Variants in DNAI3 observed in about 807,000 individuals in gnomAD.
DNAI3 encodes WD repeat domain 63.
DNAI3 carries 83 observed loss-of-function variants against 115.5 expected under a neutral mutation model. That is an observed-to-expected ratio of 0.72 (90% confidence interval 0.60 to 0.86). The LOEUF (loss-of-function observed/expected upper bound fraction) is 0.86, where lower values mean the gene tolerates loss of function less well. DNAI3 is among the 40% of genes least tolerant of loss of function. DNAI3 has a pLI of 0.00. For synonymous variants in DNAI3, 320 were observed against 347.0 expected, an observed-to-expected ratio of 0.92 and a Z score of 0.86; for missense variants, 1,004 against 1,075.8, an observed-to-expected ratio of 0.93 and a Z score of 0.93.
chr1:85,072,677 C>T lies in DNAI3; in HGVS notation c.65-377C>T, dbSNP rs529778093. ...AAAGAAAAATAAAAAAAAGATTGGC[C>T]GGGCACAGTGGCTCACGCCTGTAAT... is the stretch of plus-strand genomic sequence containing the variant. On this transcript the variant is annotated intron_variant, in intron 2 of 22. Coordinates refer to ENST00000294664, the MANE Select transcript of DNAI3 (RefSeq NM_145172.5). Among the ~76,000 whole-genome samples, 7 of 137,694 alleles carry T rather than the reference C, an allele frequency of 5.1e-5. No individual in the cohort carries two copies. The South Asian group carries it at 7.1e-4, about 14-fold the overall frequency. The allele number at this position is 137,694 out of a possible 152,430, so 90.3% of individuals were successfully genotyped here.
At chr1:85,125,534 GA>G (rs1322596395) in intron 19 of DNAI3, among the ~76,000 whole-genome samples, 1 of 75,694 alleles carries the variant, frequency 1.3e-5, no homozygotes, top group Admixed American at 1.8e-4. Flanking sequence ...CTGTATGTTT[GA>G]TTTTTTTTTT....
In DNAI3 at chr1:85,133,114, C is replaced by G; in HGVS notation, c.*116C>G. Reference sequence around the variant, plus strand: ...GGCTCATTTATAGACTTTTATTTCCCTGCTATTAAAACTTTTGAATTTTAG... The same window carrying G: ...GGCTCATTTATAGACTTTTATTTCCGTGCTATTAAAACTTTTGAATTTTAG... On this transcript the variant is annotated 3_prime_UTR_variant, in exon 23 of 23. Transcript: ENST00000294664. 1.6e-6 allele frequency: 2 copies of G among 1,215,578 alleles called. No individual in the cohort carries two copies. Among genetic ancestry groups the G allele is most frequent in the Non-Finnish European group, 2.2e-6 (2 of 922,628 alleles). The allele number at this position is 1,215,578 out of a possible 1,614,324, so 75.3% of individuals were successfully genotyped here.
At chr1:85,098,131 G>A (rs1465981682) in intron 12 of DNAI3, among the ~76,000 whole-genome samples, 2 of 152,120 alleles carry the variant, frequency 1.3e-5, no homozygotes, top group Non-Finnish European at 2.9e-5. Context: ...TGTTAAGAGG[G>A]TTGAGAAGAT....
At position 85,117,717 on chromosome 1, in the gene DNAI3, C is replaced by G; in HGVS notation, c.1787-12C>G. ...TAAATATGTACTTCTTCTACCCACA[C>G]TCCTCTGAAAGACAAAATGTTAGCA... On this transcript the variant is annotated splice_polypyrimidine_tract_variant and intron_variant, in intron 16 of 22. Transcript: ENST00000294664. The G allele has an allele frequency of 6.2e-7, 1 of 1,612,026 alleles. No homozygotes were observed. Among genetic ancestry groups the G allele is most frequent in the Non-Finnish European group, 8.5e-7 (1 of 1,178,544 alleles).
chr1:85,065,387 G>A (rs531131909), intron 1 of DNAI3, among the ~76,000 whole-genome samples: 36 of 152,242 alleles, frequency 2.4e-4, no homozygotes, highest in South Asian at 6.2e-4. Flanking sequence ...AGATGCATGC[G>A]GTAGTAAACT....
intron 1 of DNAI3, among the ~76,000 whole-genome samples, chr1:85,064,642 A>G (rs988762417): frequency 3.3e-5 from 5 of 152,136 alleles, no homozygotes; most frequent in Admixed American, 1.3e-4. Context: ...CCTCACGTCT[A>G]TAATTCCAGC....
chr1:85,123,788 G>T (rs1051667824), intron 18 of DNAI3, among the ~76,000 whole-genome samples: 7 of 152,194 alleles, frequency 4.6e-5, no homozygotes, highest in African/African-American at 1.7e-4. Context: ...ACTAACCATT[G>T]TCTACCCAGC....
At chr1:85,126,968 C>T (rs888161403) in intron 20 of DNAI3, among the ~76,000 whole-genome samples, 3 of 152,058 alleles carry the variant, frequency 2.0e-5, no homozygotes. Flanking sequence ...CTCACTGTTG[C>T]CTCATCAAGA....
rs571896124 is a variant in DNAI3 at position 85,132,107 on chromosome 1, T to G, written c.2533-748T>G. On this transcript the variant is annotated intron_variant, in intron 22 of 22. Coordinates refer to ENST00000294664, the MANE Select transcript of DNAI3 (RefSeq NM_145172.5). The stretch of plus-strand genomic sequence containing the variant: ...GTCACTAAGGAAAAACAACTAATGT[T>G]AGTCAGAAATGTCTCCTTCTAAGCA... 3.9e-5 allele frequency among the ~76,000 whole-genome samples: 6 copies of G among 152,330 alleles called. No individual in the cohort carries two copies. In the East Asian group the frequency reaches 1.2e-3, roughly 29 times the overall value.
At chr1:85,096,991 C>T (rs185557404) in intron 11 of DNAI3, among the ~76,000 whole-genome samples, 2 of 152,234 alleles carry the variant, frequency 1.3e-5, no homozygotes, top group Non-Finnish European at 2.9e-5. Context: ...CAATTCTGTA[C>T]TCCTGACATT....
intron 1 of DNAI3, among the ~76,000 whole-genome samples, chr1:85,064,335 C>T (rs1470667286): frequency 6.6e-6 from 1 of 151,996 alleles, no homozygotes; most frequent in Non-Finnish European, 1.5e-5. Flanking sequence ...AAGTGAATAT[C>T]CAATCTTGGA....
chr1:85,080,322 C>T (rs928841612), intron 3 of DNAI3, among the ~76,000 whole-genome samples: 7 of 152,040 alleles, frequency 4.6e-5, no homozygotes, highest in East Asian at 1.9e-4. Context: ...TCAGCCACCG[C>T]GCCCAGCTTT....
At chr1:85,096,137 A>G in intron 11 of DNAI3, 117 bp downstream of exon 11, 1 of 875,094 alleles carries the variant, frequency 1.1e-6, no homozygotes, top group Non-Finnish European at 1.8e-6. Flanking sequence ...AGGCATGCCA[A>G]TTGTGTGCCA....
intron 18 of DNAI3, among the ~76,000 whole-genome samples, 176 bp from the exon 19 acceptor site, chr1:85,123,945 T>TA (rs1656057745): frequency 6.6e-6 from 1 of 152,244 alleles, no homozygotes; most frequent in African/African-American, 2.4e-5. Context: ...GGACATTCCA[T>TA]AATAACAGAA....
chr1:85,099,300 A>G, intron 13 of DNAI3: 1 of 983,746 alleles, frequency 1.0e-6, no homozygotes, highest in Non-Finnish European at 1.2e-6. Flanking sequence ...TATCAAGAAT[A>G]TTCTGAGAAA....
intron 8 of DNAI3, 56 bp from the exon 9 acceptor site, chr1:85,093,402 A>G (rs981221035): frequency 4.2e-5 from 64 of 1,523,982 alleles, no homozygotes; most frequent in Non-Finnish European, 5.3e-5. Context: ...AGATAGTCAC[A>G]TTATTGGATA....
rs201476345 is a variant in DNAI3, at chr1:85,100,070, T to G, written c.1479+1412T>G. On this transcript the variant is annotated intron_variant, in intron 13 of 22. Transcript: ENST00000294664. ...TCAGGACATAGGCATGGGCAAGGAC[T>G]TCATGCCCAAAATACCAAAAGCAAT... Among the ~76,000 whole-genome samples, 12 of 151,622 alleles carry G rather than the reference T, an allele frequency of 7.9e-5. No homozygotes were observed. In the East Asian group the frequency reaches 2.1e-3, roughly 27 times the overall value.
chr1:85,079,231 A>G, intron 3 of DNAI3, among the ~76,000 whole-genome samples: 1 of 152,132 alleles, frequency 6.6e-6, no homozygotes, highest in East Asian at 1.9e-4. Context: ...TGAGCATCTT[A>G]TAAGTGCCAG....
chr1:85,115,558 A>C (rs17121656), intron 16 of DNAI3, among the ~76,000 whole-genome samples: 7,926 of 152,306 alleles, frequency 0.052, 275 homozygotes, highest in East Asian at 0.15. Flanking sequence ...TAAGTATCCA[A>C]AGTTATTCCC....
Sources: allele counts gnomAD v4.1 joint callset (sites outside exome capture counted in the v4.1 genomes callset), GRCh38; gene constraint gnomAD v4.1.1; transcripts MANE v1.5; gene names NCBI Gene and HGNC (gene_info 2026-07-23, HGNC 2026-07-21).